Variants in EXOC4 observed in about 807,000 individuals in gnomAD.
EXOC4 encodes exocyst complex component 4, also known as SEC8-like 1.
A neutral mutation model predicts 107.2 loss-of-function variants in EXOC4; 71 were observed. That is an observed-to-expected ratio of 0.66 (90% CI 0.55 to 0.81). EXOC4 has a LOEUF of 0.81. EXOC4 is among the 30% of genes least tolerant of loss of function. EXOC4 has a pLI of 0.00. For missense variants in EXOC4, 1,108 were observed against 1,189.6 expected, an observed-to-expected ratio of 0.93 and a Z score of 1.01; for synonymous variants, 456 against 441.2, an observed-to-expected ratio of 1.03 and a Z score of -0.42.
At chr7:134,044,431 G>A (rs529039836) in intron 17 of EXOC4, among the ~76,000 whole-genome samples, 2 of 152,268 alleles carry the variant, frequency 1.3e-5, no homozygotes, top group South Asian at 4.1e-4. Context: ...TAAAAAACTA[G>A]GTTCAGGTTT....
chr7:133,656,587 ATG>A (rs1803306100), intron 10 of EXOC4, among the ~76,000 whole-genome samples: 1 of 152,184 alleles, frequency 6.6e-6, no homozygotes, highest in Non-Finnish European at 1.5e-5. Flanking sequence ...ACAGACACAT[ATG>A]TGTTAAATTA....
intron 7 of EXOC4, among the ~76,000 whole-genome samples, chr7:133,390,105 T>A (rs1301481012): frequency 6.6e-6 from 1 of 152,078 alleles, no homozygotes; most frequent in African/African-American, 2.4e-5. Context: ...GCTAGATTGA[T>A]CATGGGGGAC....
chr7:133,932,647 A>C (rs576782593), intron 13 of EXOC4, among the ~76,000 whole-genome samples: 1 of 152,308 alleles, frequency 6.6e-6, no homozygotes, highest in South Asian at 2.1e-4. Context: ...ACTCTTTAGC[A>C]TGCATTTCCC....
chr7:134,087,647 C>T, the EXOC4 span, among the ~76,000 whole-genome samples: 12 of 152,100 alleles, frequency 7.9e-5, no homozygotes, highest in Non-Finnish European at 1.6e-4. Context: ...TTTACATTAC[C>T]CATGCCTCTT....
Position 133,715,534 on chromosome 7 carries a change from A to G in EXOC4, c.1514+85393A>G, listed in dbSNP as rs191961839. Among the ~76,000 whole-genome samples the G allele has an allele frequency of 5.3e-5, 8 of 152,116 alleles. No individual in the cohort carries two copies. The East Asian group carries it at 1.5e-3, about 29-fold the overall frequency. On this transcript the variant is annotated intron_variant, in intron 10 of 17. Transcript: ENST00000253861. ...TGGGAATGCAAGCAATGGGAGAGAT[A>G]CAAGTTATAGTAATATAAAAAGTTA...
intron 9 of EXOC4, among the ~76,000 whole-genome samples, chr7:133,589,143 G>T (rs1801480922): frequency 6.6e-6 from 1 of 152,072 alleles, no homozygotes; most frequent in African/African-American, 2.4e-5. Flanking sequence ...AAGAACTGAG[G>T]GTACTGGGAA....
chr7:133,681,716 G>A (rs1270968129), intron 10 of EXOC4, among the ~76,000 whole-genome samples: 5 of 151,906 alleles, frequency 3.3e-5, no homozygotes, highest in Admixed American at 1.3e-4. Flanking sequence ...ATATCATGGA[G>A]CAAAATGATT....
At chr7:133,446,364 G>A (rs745544456) in intron 7 of EXOC4, among the ~76,000 whole-genome samples, 17 of 152,174 alleles carry the variant, frequency 1.1e-4, no homozygotes, top group Admixed American at 4.6e-4. Context: ...ACTCTGTGCT[G>A]TAAAATTATC....
chr7:133,854,811 A>G (rs976965348), intron 11 of EXOC4, among the ~76,000 whole-genome samples: 14 of 149,530 alleles, frequency 9.4e-5, no homozygotes, highest in African/African-American at 3.5e-4. Context: ...CTAGAAGCCA[A>G]TAAAAAAAAA....
At chr7:133,586,448 T>A (rs1801405969) in intron 9 of EXOC4, among the ~76,000 whole-genome samples, 2 of 152,224 alleles carry the variant, frequency 1.3e-5, no homozygotes, top group South Asian at 4.1e-4. Flanking sequence ...TTACTTTTTT[T>A]ATTTTTAATG....
intron 9 of EXOC4, among the ~76,000 whole-genome samples, chr7:133,618,620 C>T (rs1475969408): frequency 2.6e-5 from 4 of 152,076 alleles, no homozygotes; most frequent in Non-Finnish European, 5.9e-5. Flanking sequence ...CAGTGAAGGA[C>T]GGAGGTCAGT....
At chr7:133,427,167 G>A (rs563732156) in intron 7 of EXOC4, among the ~76,000 whole-genome samples, 8 of 152,138 alleles carry the variant, frequency 5.3e-5, no homozygotes, top group East Asian at 1.9e-4. Flanking sequence ...TATGTCAGGC[G>A]CCTCATAAGC....
chr7:133,930,476 C>G (rs1337767463), intron 13 of EXOC4: 1 of 152,142 alleles, frequency 6.6e-6, no homozygotes, highest in Admixed American at 6.5e-5. Context: ...ATCAAAGTAA[C>G]ATGCTGCTTT....
intron 10 of EXOC4, among the ~76,000 whole-genome samples, chr7:133,809,990 C>G (rs1797178605): frequency 6.6e-6 from 1 of 152,104 alleles, no homozygotes; most frequent in Non-Finnish European, 1.5e-5. Context: ...GCATTTTTAG[C>G]AAGAGTAACA....
intron 10 of EXOC4, among the ~76,000 whole-genome samples, chr7:133,716,549 T>G (rs1214297444): frequency 6.6e-6 from 1 of 152,178 alleles, no homozygotes; most frequent in Non-Finnish European, 1.5e-5. Flanking sequence ...TATGATATGG[T>G]CTCCTGTCAT....
Position 133,289,125 on chromosome 7 carries a change from A to G in EXOC4, c.471+9A>G. On this transcript the variant is annotated intron_variant, in intron 3 of 17. Transcript: ENST00000253861. ...GTGCCACTGACATGTTGGTAAGAGAACAGCCTGTGCTAAGGGTCATTTTTG... is the reference window on the plus strand; with the variant it reads ...GTGCCACTGACATGTTGGTAAGAGAGCAGCCTGTGCTAAGGGTCATTTTTG... 6.2e-7 allele frequency: 1 copy of G among 1,613,018 alleles called. No individual in the cohort carries two copies. The highest frequency in any genetic ancestry group is 8.5e-7 in the Non-Finnish European group (1 of 1,179,222).
At chr7:133,564,052 A>AT (rs1384440871) in intron 9 of EXOC4, among the ~76,000 whole-genome samples, 1 of 152,138 alleles carries the variant, frequency 6.6e-6, no homozygotes, top group Non-Finnish European at 1.5e-5. Flanking sequence ...CTTCATAGAA[A>AT]TTTTTTTATT....
At chr7:134,025,769 C>A (rs1179995336) in intron 17 of EXOC4, among the ~76,000 whole-genome samples, 1 of 152,160 alleles carries the variant, frequency 6.6e-6, no homozygotes, top group Non-Finnish European at 1.5e-5. Flanking sequence ...CTTGGGGCTC[C>A]CAAAAGCATG....
intron 3 of EXOC4, among the ~76,000 whole-genome samples, chr7:133,295,417 G>A (rs939450700): frequency 6.6e-6 from 1 of 152,080 alleles, no homozygotes; most frequent in African/African-American, 2.4e-5. Context: ...TATGTTCATA[G>A]GGTACCCATT....
Sources: gnomAD v4.1 joint callset for allele counts (sites outside exome capture counted in the v4.1 genomes callset) on GRCh38, gnomAD v4.1.1 for gene constraint, MANE v1.5 for transcripts, NCBI Gene and HGNC (gene_info 2026-07-23, HGNC 2026-07-21) for gene names.